The following SMC1B variants were observed in gnomAD, a reference collection of about 807,000 sequenced individuals.
The protein encoded by SMC1B is structural maintenance of chromosomes 1B.
Under a neutral mutation model 157.9 loss-of-function variants are expected in SMC1B, and 60 were observed. The ratio of observed to expected loss-of-function variants is 0.38; its 90% confidence interval spans 0.31 to 0.47. SMC1B has a LOEUF of 0.47. SMC1B is among the 20% of genes least tolerant of loss of function. The probability of loss-of-function intolerance (pLI) is 0.99; values close to 1 mark genes in which losing one functional copy is unlikely to be tolerated. For missense variants in SMC1B, 1,165 were observed against 1,426.2 expected (o/e 0.82, Z 2.95); for synonymous variants, 445 against 483.0 (o/e 0.92, Z 1.03).
intron 9 of SMC1B, among the ~76,000 whole-genome samples, chr22:45,392,188 A>T (rs985733691): frequency 1.1e-4 from 16 of 152,080 alleles, no homozygotes; most frequent in African/African-American, 3.6e-4. Flanking sequence ...ACCTCAAGTG[A>T]TCCATCCACT....
At chr22:45,377,577 G>A (rs1048016073) in intron 12 of SMC1B, among the ~76,000 whole-genome samples, 5 of 151,080 alleles carry the variant, frequency 3.3e-5, no homozygotes, top group African/African-American at 1.2e-4. Context: ...GGCAGAGGTT[G>A]CAGTGAGCCA....
chr22:45,391,400 T>C (rs1406445193), intron 9 of SMC1B, among the ~76,000 whole-genome samples: 1 of 152,226 alleles, frequency 6.6e-6, no homozygotes, highest in Admixed American at 6.5e-5. Flanking sequence ...AAATTGCCCA[T>C]AGTGCAAAAC....
At chr22:45,406,728 C>G (rs1465903749) in intron 3 of SMC1B, 25 bp downstream of exon 3, 1 of 1,583,256 alleles carries the variant, frequency 6.3e-7, no homozygotes, top group Non-Finnish European at 8.6e-7. Flanking sequence ...AACTCTGAAT[C>G]AAATAAACTA....
At chr22:45,384,362 T>A (rs887543178) in intron 11 of SMC1B, among the ~76,000 whole-genome samples, 1 of 152,204 alleles carries the variant, frequency 6.6e-6, no homozygotes, top group South Asian at 2.1e-4. Context: ...CTTTATTAGG[T>A]GAATTCATTC....
chr22:45,407,852 G>T (rs1280929289), intron 2 of SMC1B, among the ~76,000 whole-genome samples: 1 of 152,094 alleles, frequency 6.6e-6, no homozygotes, highest in African/African-American at 2.4e-5. Flanking sequence ...AGGCTCAAAA[G>T]AATGCAACCA....
intron 14 of SMC1B, 53 bp downstream of exon 14, chr22:45,371,418 T>C: frequency 6.7e-6 from 10 of 1,481,990 alleles, no homozygotes; most frequent in Non-Finnish European, 8.9e-6. Context: ...CTAAATCTAG[T>C]ATCTGGTCTA....
intron 18 of SMC1B, 121 bp downstream of exon 18, chr22:45,359,684 C>A: frequency 9.4e-7 from 1 of 1,067,234 alleles, no homozygotes; most frequent in Middle Eastern, 2.1e-4. Flanking sequence ...GCCCTTTTTC[C>A]CTCCTATGAG....
At chr22:45,358,566 T>C (rs957546025) in intron 19 of SMC1B, 131 bp downstream of exon 19, 2 of 579,108 alleles carry the variant, frequency 3.5e-6, no homozygotes, top group Non-Finnish European at 5.9e-6. Flanking sequence ...TTCCTTTGTA[T>C]ATTTCTTCCA....
intron 4 of SMC1B, 99 bp downstream of exon 4, chr22:45,406,361 A>T: frequency 2.2e-6 from 2 of 913,656 alleles, no homozygotes; most frequent in Admixed American, 2.8e-5. Context: ...TTATACTATT[A>T]AATTAATCTT....
chr22:45,392,020 C>T (rs2087064728), intron 9 of SMC1B, among the ~76,000 whole-genome samples: 1 of 152,162 alleles, frequency 6.6e-6, no homozygotes, highest in Non-Finnish European at 1.5e-5. Context: ...CAGTGGTGCT[C>T]ACTGCAACCT....
chr22:45,374,989 A>C (rs2086870891), intron 12 of SMC1B, among the ~76,000 whole-genome samples: 1 of 152,162 alleles, frequency 6.6e-6, no homozygotes, highest in African/African-American at 2.4e-5. Context: ...CTTTCTCCAA[A>C]ATATTTTTAA....
At chr22:45,390,675 A>G (rs2087047838) in intron 9 of SMC1B, among the ~76,000 whole-genome samples, 5 of 150,438 alleles carry the variant, frequency 3.3e-5, no homozygotes, top group East Asian at 3.9e-4. Flanking sequence ...ACTGCACTCC[A>G]GCCTGGCAAC....
chr22:45,356,080 CA>C (rs908588920), intron 19 of SMC1B, among the ~76,000 whole-genome samples: 8 of 151,726 alleles, frequency 5.3e-5, no homozygotes, highest in African/African-American at 1.9e-4. Flanking sequence ...AAAAACAAAA[CA>C]AAAAAAAGTC....
intron 6 of SMC1B, among the ~76,000 whole-genome samples, chr22:45,398,039 G>C (rs569722955): frequency 6.6e-6 from 1 of 152,170 alleles, no homozygotes; most frequent in Admixed American, 6.5e-5. Flanking sequence ...AGCAGTGGTG[G>C]GGCCGAGCAA....
At chr22:45,409,929 T>C (rs932069961) in intron 1 of SMC1B, among the ~76,000 whole-genome samples, 28 of 152,228 alleles carry the variant, frequency 1.8e-4, no homozygotes, top group African/African-American at 6.3e-4. Context: ...CCTAAGAAGA[T>C]TCTGGAACTT....
At chr22:45,369,542 CTTTTT>C (rs136566) in intron 15 of SMC1B, among the ~76,000 whole-genome samples, 1 of 110,760 alleles carries the variant, frequency 9.0e-6, no homozygotes, top group Non-Finnish European at 1.7e-5. Context: ...CTAGCTGTTT[CTTTTT>C]TTTTTTTTTT....
intron 7 of SMC1B, among the ~76,000 whole-genome samples, chr22:45,395,123 C>T (rs1431967914): frequency 6.6e-6 from 1 of 152,106 alleles, no homozygotes; most frequent in African/African-American, 2.4e-5. Context: ...TCACTGGCTA[C>T]CATGTGATAG....
intron 12 of SMC1B, among the ~76,000 whole-genome samples, chr22:45,372,982 G>C (rs976205733): frequency 1.3e-5 from 2 of 151,746 alleles, no homozygotes; most frequent in Non-Finnish European, 2.9e-5. Flanking sequence ...CACAGTGCTG[G>C]GATTACAGGC....
chr22:45,349,684 T>C (rs1455411168), intron 23 of SMC1B, 44 bp downstream of exon 23: 28 of 1,539,146 alleles, frequency 1.8e-5, no homozygotes, highest in Non-Finnish European at 2.3e-5. Context: ...CACATGATCC[T>C]TGAATTGTAG....
Sources: gnomAD v4.1 joint callset for allele counts (sites outside exome capture counted in the v4.1 genomes callset) on GRCh38, gnomAD v4.1.1 for gene constraint, MANE v1.5 for transcripts, NCBI Gene and HGNC (gene_info 2026-07-23, HGNC 2026-07-21) for gene names.